Variants in USP24 observed in about 807,000 individuals in gnomAD.
USP24 encodes ubiquitin specific peptidase 24, also known as ubiquitin carboxyl-terminal hydrolase 24.
Under a neutral mutation model 361.6 loss-of-function variants are expected in USP24, and 97 were observed. That is an observed-to-expected ratio of 0.27 (90% CI 0.23 to 0.32). USP24 has a LOEUF of 0.32. Among genes scored for constraint, USP24 ranks in the 10% least tolerant of loss-of-function variants. USP24 has a pLI of 1.00. For missense variants in USP24, 2,353 were observed against 3,165.6 expected (o/e 0.74, Z 6.16); for synonymous variants, 1,098 against 1,124.6 (o/e 0.98, Z 0.47).
chr1:55,204,368 C>A (rs530611240), intron 1 of USP24, among the ~76,000 whole-genome samples: 2 of 152,152 alleles, frequency 1.3e-5, no homozygotes, highest in East Asian at 3.9e-4. Context: ...ATTAACATCA[C>A]TCTTTAAAAA....
chr1:55,139,370 A>C (rs1211439240), intron 24 of USP24, among the ~76,000 whole-genome samples: 2 of 152,220 alleles, frequency 1.3e-5, no homozygotes, highest in East Asian at 1.9e-4. Context: ...TTATAACTAA[A>C]ATATGATATA....
At chr1:55,151,430 T>C (rs531091970) in intron 16 of USP24, among the ~76,000 whole-genome samples, 1 of 152,316 alleles carries the variant, frequency 6.6e-6, no homozygotes, top group South Asian at 2.1e-4. Flanking sequence ...GCAACTCAGC[T>C]ATGGCTATGT....
chr1:55,147,014 G>C lies in USP24; in HGVS notation c.2165C>G (p.Ala722Gly). Residue 722 changes from alanine to glycine, a missense_variant, in exon 19 of 68, where the codon GCT becomes GGT. Ala to Gly is a moderately conservative substitution (Grantham distance 60). Transcript: ENST00000294383. ...LKFLAFFLQEATLYLGWNRAK... is the reference protein window; with the variant it reads ...LKFLAFFLQEGTLYLGWNRAK... ...ACGATTCCAGCCCAGATACAGAGTA[G>C]CTTCTTGCAAGAAAAACGCTAGAAA... 6.3e-7 allele frequency: 1 copy of C among 1,595,104 alleles called. No individual in the cohort carries two copies. Among genetic ancestry groups the C allele is most frequent in the Non-Finnish European group, 8.5e-7 (1 of 1,173,296 alleles).
intron 28 of USP24, among the ~76,000 whole-genome samples, chr1:55,136,436 T>C (rs1646737726): frequency 6.6e-6 from 1 of 152,080 alleles, no homozygotes; most frequent in African/African-American, 2.4e-5. Flanking sequence ...GGCCGAGTGG[T>C]ACAATCTGAC....
chr1:55,173,339 A>C (rs1189858460), intron 3 of USP24, among the ~76,000 whole-genome samples: 1 of 152,184 alleles, frequency 6.6e-6, no homozygotes, highest in Admixed American at 6.5e-5. Context: ...ATGTTTCTTA[A>C]ACATAAAACA....
chr1:55,120,766 C>G lies in USP24; in HGVS notation c.4348-10G>C, dbSNP rs751761188. The G allele has an allele frequency of 1.3e-6, 2 of 1,554,994 alleles. No homozygotes were observed. The highest frequency in any genetic ancestry group is 1.7e-6 in the Non-Finnish European group (2 of 1,149,174). ...AGGCAACCCGGCGAATCTGAAATTACATGATCAGCAGCAAAGGACAGACAT... is the reference window on the plus strand; with the variant it reads ...AGGCAACCCGGCGAATCTGAAATTAGATGATCAGCAGCAAAGGACAGACAT... On this transcript the variant is annotated splice_polypyrimidine_tract_variant and intron_variant, in intron 37 of 67. Transcript: ENST00000294383.
In USP24 at chr1:55,176,416, C is replaced by T; in HGVS notation, c.518G>A (p.Arg173Lys). 5.7e-6 allele frequency: 9 copies of T among 1,572,396 alleles called. No homozygotes were observed. The highest frequency in any genetic ancestry group is 6.1e-6 in the Non-Finnish European group (7 of 1,156,988). ...LGLSESDENC[R>K]RFMDRCMPEA... ...AGGCATACACCTGTCCATAAACCTT[C>T]TACAATTCTCATCAGACTCGGAAAG... The change falls in exon 3 of 68, where the codon AGA (arginine) becomes AAA (lysine). Residue 173 changes from arginine to lysine, a missense_variant. Physicochemically the swap from Arg to Lys is conservative, Grantham distance 26 (BLOSUM62 2). Coordinates refer to ENST00000294383, the MANE Select transcript of USP24 (RefSeq NM_015306.3).
intron 38 of USP24, among the ~76,000 whole-genome samples, chr1:55,113,527 T>C (rs1009206957): frequency 6.6e-6 from 1 of 152,156 alleles, no homozygotes; most frequent in African/African-American, 2.4e-5. Context: ...CCCTAACTCA[T>C]TTTATGAGGA....
intron 39 of USP24, among the ~76,000 whole-genome samples, chr1:55,108,030 C>T (rs1434193333): frequency 1.3e-5 from 2 of 151,970 alleles, no homozygotes; most frequent in Non-Finnish European, 2.9e-5. Context: ...CAAATTCCTG[C>T]TCAGAAGGAG....
At chr1:55,071,055 ACC>A in intron 67 of USP24, 1 of 854,824 alleles carries the variant, frequency 1.2e-6, no homozygotes, top group Non-Finnish European at 1.4e-6. Context: ...GGCTGCAGTT[ACC>A]TTTCTGTAAA....
chr1:55,100,411 G>A (rs1645603251), intron 44 of USP24, among the ~76,000 whole-genome samples: 1 of 151,770 alleles, frequency 6.6e-6, no homozygotes, highest in Middle Eastern at 3.4e-3. Flanking sequence ...CAGGATAATC[G>A]CTTGAACCCA....
intron 51 of USP24, among the ~76,000 whole-genome samples, 151 bp from the exon 52 acceptor site, chr1:55,094,238 C>T (rs1645443596): frequency 6.7e-6 from 1 of 149,834 alleles, no homozygotes; most frequent in Non-Finnish European, 1.5e-5. Flanking sequence ...TAAATATATA[C>T]AATCATAATG....
rs1043027897 is a variant in USP24 at position 55,147,525 on chromosome 1, A to G, written c.2118+124T>C. ...CACCAAGATACAAAACTGTTCCCTC[A>G]CTACAAAGATACCTCATACAACCTC... On this transcript the variant is annotated intron_variant, in intron 18 of 67. Coordinates refer to ENST00000294383, the MANE Select transcript of USP24 (RefSeq NM_015306.3). 1.8e-5 allele frequency: 18 copies of G among 1,021,520 alleles called. No homozygotes were observed. In the African/African-American group the frequency reaches 3.0e-4, roughly 17 times the overall value. 63.3% of individuals were successfully genotyped at this position (1,021,520 alleles called of 1,614,324 possible). A position where few individuals can be genotyped will look rare whatever the true frequency, so the allele number is the denominator to read the frequency against.
rs745822375 is a variant in USP24, at chr1:55,097,027, T to C, written c.5861A>G (p.Tyr1954Cys). ...PRKKVALTEN[Y>C]ELVGVIVHSG... is the part of the protein sequence containing the mutation. ...GTGTACGATGACACCGACAAGTTCA[T>C]AGTTTTCTGTGAGGGCAACCTTTTT... The change falls in exon 49 of 68, where the codon TAT becomes TGT. Residue 1954 changes from tyrosine to cysteine, a missense_variant. Tyr to Cys is a radical substitution (Grantham distance 194). Transcript: ENST00000294383. 1.3e-5 allele frequency: 21 copies of C among 1,613,810 alleles called. No individual in the cohort carries two copies. The highest frequency in any genetic ancestry group is 1.8e-5 in the Non-Finnish European group (21 of 1,179,888).
At position 55,168,547 on chromosome 1, in the gene USP24, C is replaced by T. The variant is rs34059420; in HGVS notation, c.826-1944G>A. ...GCAGAGCCCTGGTGACCGTAAGTGT[C>T]CATTTGCAGGAGAAAAGGACATCAA... On this transcript the variant is annotated intron_variant, in intron 5 of 67. Coordinates refer to ENST00000294383, the MANE Select transcript of USP24 (RefSeq NM_015306.3). 2.8e-3 allele frequency among the ~76,000 whole-genome samples: 429 copies of T among 152,240 alleles called. 2 individuals are homozygous for T. Among genetic ancestry groups the T allele is most frequent in the Non-Finnish European group, 4.7e-3 (322 of 68,020 alleles).
chr1:55,095,669 G>A lies in USP24; in HGVS notation c.6062-273C>T, dbSNP rs538239559. ...CAGTATGGTAATGGAGTAAGAGAAA[G>A]AAGGTAAGTATCCTAGGGAGGTCTA... is the stretch of plus-strand genomic sequence containing the variant. On this transcript the variant is annotated intron_variant, in intron 50 of 67. Transcript: ENST00000294383. Among the ~76,000 whole-genome samples, 10 of 152,224 alleles carry A rather than the reference G, an allele frequency of 6.6e-5. No individual in the cohort carries two copies. The East Asian group carries it at 1.7e-3, about 26-fold the overall frequency.
Position 55,214,977 on chromosome 1 carries a change from G to T in USP24, c.137C>A (p.Pro46Gln). ...CTCGTAGCCGCCGTAGTCGAGGCCC[G>T]GCCGCTCGTTGGTGAGCAGTGCCAC... ...EAVALLTNER[P>Q]GLDYGGYEPM... is the part of the protein sequence containing the mutation. Residue 46 changes from proline to glutamine, a missense_variant, in exon 1 of 68, where the codon CCG becomes CAG. This residue lies in a region of USP24 where 253 missense variants were observed against 255.3 expected (regional missense o/e 0.99). Transcript: ENST00000294383. The T allele has an allele frequency of 2.8e-6, 4 of 1,442,460 alleles. No individual in the cohort carries two copies. Among genetic ancestry groups the T allele is most frequent in the East Asian group, 3.1e-5 (1 of 32,726 alleles). 89.4% of individuals were successfully genotyped at this position (1,442,460 alleles called of 1,614,324 possible).
At chr1:55,199,956 CAA>C (rs1255657494) in intron 1 of USP24, among the ~76,000 whole-genome samples, 1 of 151,990 alleles carries the variant, frequency 6.6e-6, no homozygotes, top group Non-Finnish European at 1.5e-5. Flanking sequence ...CGGCAGCAGG[CAA>C]AGAGAGAATG....
At position 55,189,034 on chromosome 1, in the gene USP24, T is replaced by C. The variant is rs77791802; in HGVS notation, c.325-10902A>G. Among the ~76,000 whole-genome samples the C allele has an allele frequency of 7.2e-3, 1,039 of 144,058 alleles. 20 individuals are homozygous for C. Among genetic ancestry groups the C allele is most frequent in the African/African-American group, 0.026 (979 of 38,008 alleles). 94.5% of individuals were successfully genotyped at this position (144,058 alleles called of 152,430 possible). On this transcript the variant is annotated intron_variant, in intron 1 of 67. Transcript: ENST00000294383. ...AAGTATTGGTGAGAATGTGAAGCAA[T>C]TGGAAACTTCACACACTGCTGATTG...
Sources: gnomAD v4.1 joint callset for allele counts (sites outside exome capture counted in the v4.1 genomes callset) on GRCh38, gnomAD v4.1.1 for gene constraint, gnomAD v4.1.1 regional missense constraint, MANE v1.5 for transcripts, NCBI Gene and HGNC (gene_info 2026-07-23, HGNC 2026-07-21) for gene names.